Variants in RGS3 observed in about 807,000 individuals in gnomAD.
RGS3 encodes the protein regulator of G-protein signalling 3.
RGS3 carries 80 observed loss-of-function variants against 132.6 expected under a neutral mutation model. The ratio of observed to expected loss-of-function variants is 0.60; its 90% CI spans 0.50 to 0.73. RGS3 has a LOEUF of 0.73. Among genes scored for constraint, RGS3 ranks in the 30% least tolerant of loss-of-function variants. The pLI is 0.00. For missense variants in RGS3, 1,382 were observed against 1,530.8 expected, an observed-to-expected ratio of 0.90 and a Z score of 1.62; for synonymous variants, 598 against 620.6, an observed-to-expected ratio of 0.96 and a Z score of 0.54.
chr9:113,475,736 A>C (rs1829972266), intron 3 of RGS3, among the ~76,000 whole-genome samples: 1 of 151,584 alleles, frequency 6.6e-6, no homozygotes, highest in Non-Finnish European at 1.5e-5. Flanking sequence ...GGAACAAGCA[A>C]ATTTCAGAAC....
intron 14 of RGS3, 81 bp downstream of exon 12, chr9:113,508,661 CT>C: frequency 7.0e-7 from 1 of 1,419,014 alleles, no homozygotes; most frequent in Non-Finnish European, 9.9e-7. Flanking sequence ...GCCTCCGCCC[CT>C]GAGTTCTGAG....
At chr9:113,478,264 G>C (rs1830056401) in intron 3 of RGS3, among the ~76,000 whole-genome samples, 1 of 151,158 alleles carries the variant, frequency 6.6e-6, no homozygotes, top group Non-Finnish European at 1.5e-5. Flanking sequence ...CCTTTCTCCT[G>C]CCTCTTTCCT....
chr9:113,519,026 C>T (rs992859603), intron 16 of RGS3, among the ~76,000 whole-genome samples: 4 of 152,196 alleles, frequency 2.6e-5, no homozygotes, highest in Non-Finnish European at 5.9e-5. Flanking sequence ...ACCCTTGAAT[C>T]TGCAAACATT....
intron 19 of RGS3, chr9:113,541,483 C>G: frequency 6.3e-7 from 1 of 1,595,226 alleles, no homozygotes; most frequent in East Asian, 2.2e-5. Flanking sequence ...TTGGGCATCC[C>G]CTACCACACA....
chr9:113,581,314 C>T lies in RGS3; in HGVS notation c.2038-2136C>T, dbSNP rs142013959. ...CTGGGCCCTCAGCCTTCCTGTCTAC[C>T]CAATGGAGGGTCTTTCTGTCCACCT... is the stretch of plus-strand genomic sequence containing the variant. On this transcript the variant is annotated intron_variant, in intron 19 of 24. Transcript: ENST00000350696. 5 of 152,302 alleles carry T rather than the reference C, an allele frequency of 3.3e-5. No individual in the cohort carries two copies. The East Asian group carries it at 9.7e-4, about 29-fold the overall frequency. 9.4% of individuals were successfully genotyped at this position (152,302 alleles called of 1,614,324 possible).
intron 19 of RGS3, among the ~76,000 whole-genome samples, chr9:113,572,525 A>G (rs2118897525): frequency 6.6e-6 from 1 of 152,112 alleles, no homozygotes; most frequent in East Asian, 1.9e-4. Context: ...TTTTTACTGG[A>G]TGGGCACCCC....
At chr9:113,524,267 G>T (rs1331289617) in intron 17 of RGS3, among the ~76,000 whole-genome samples, 1 of 152,130 alleles carries the variant, frequency 6.6e-6, no homozygotes, top group Non-Finnish European at 1.5e-5. Flanking sequence ...TCTCCAGCCT[G>T]CAGTGTGCAT....
chr9:113,558,912 G>A (rs1833675222), intron 19 of RGS3, among the ~76,000 whole-genome samples: 1 of 152,228 alleles, frequency 6.6e-6, no homozygotes. Flanking sequence ...TGATTTTGCA[G>A]ACCACATTTT....
chr9:113,525,146 G>T (rs1461170211), intron 17 of RGS3, among the ~76,000 whole-genome samples: 2 of 152,162 alleles, frequency 1.3e-5, no homozygotes, highest in Non-Finnish European at 2.9e-5. Flanking sequence ...GTGTGTGTGT[G>T]TGCATGTGTC....
At chr9:113,519,012 A>C (rs1166694487) in intron 16 of RGS3, among the ~76,000 whole-genome samples, 2 of 152,046 alleles carry the variant, frequency 1.3e-5, no homozygotes, top group African/African-American at 4.8e-5. Context: ...CTGTTTGTCC[A>C]CTTACCCTTG....
chr9:113,490,734 T>G (rs1264072101), intron 7 of RGS3, among the ~76,000 whole-genome samples: 1 of 139,704 alleles, frequency 7.2e-6, no homozygotes, highest in African/African-American at 2.7e-5. Context: ...TATATATAAC[T>G]TAATTATAAT....
chr9:113,531,129 T>G lies in RGS3; in HGVS notation c.1914+1865T>G, dbSNP rs528569675. 3.3e-5 allele frequency among the ~76,000 whole-genome samples: 5 copies of G among 152,286 alleles called. No homozygotes were observed. In the East Asian group the frequency reaches 5.8e-4, roughly 18 times the overall value. ...TCTAGCTGCAAGATCCTGGGTGGTG[T>G]TATCCGAAAGTAGTCCTGGGCTCTG... is the stretch of plus-strand genomic sequence containing the variant. On this transcript the variant is annotated intron_variant, in intron 18 of 24. Coordinates refer to ENST00000350696, the Ensembl canonical transcript of RGS3.
At chr9:113,503,843 C>T (rs77006713) in intron 10 of RGS3, among the ~76,000 whole-genome samples, 2,208 of 152,314 alleles carry the variant, frequency 0.014, 59 homozygotes, top group African/African-American at 0.05. Flanking sequence ...CAGGCGGGCC[C>T]GGCAACTAGT....
intron 10 of RGS3, among the ~76,000 whole-genome samples, chr9:113,502,862 C>T (rs1013882786): frequency 1.3e-5 from 2 of 152,206 alleles, no homozygotes; most frequent in Non-Finnish European, 2.9e-5. Flanking sequence ...GGCTTTTGAG[C>T]AAGTCACTGT....
chr9:113,478,966 T>C (rs1460639471), intron 3 of RGS3: 1 of 162,668 alleles, frequency 6.1e-6, no homozygotes, highest in African/African-American at 2.4e-5. Flanking sequence ...TGATGAACAT[T>C]TCAGGTGTTT....
At chr9:113,499,018 A>G (rs759076651) in intron 10 of RGS3, among the ~76,000 whole-genome samples, 4 of 151,606 alleles carry the variant, frequency 2.6e-5, no homozygotes, top group Non-Finnish European at 5.9e-5. Flanking sequence ...CTTGAGGTCA[A>G]GAGTTCGAGA....
chr9:113,446,299 T>G (rs1210338299), intron 1 of RGS3, among the ~76,000 whole-genome samples: 1 of 152,206 alleles, frequency 6.6e-6, no homozygotes, highest in African/African-American at 2.4e-5. Flanking sequence ...TAATACATAT[T>G]AGAGAATCAT....
chr9:113,449,220 A>C (rs554203311), intron 1 of RGS3, among the ~76,000 whole-genome samples: 1 of 152,294 alleles, frequency 6.6e-6, no homozygotes, highest in East Asian at 1.9e-4. Context: ...GGAGGTGATC[A>C]GGGCCTGAAT....
At chr9:113,539,188 C>T (rs920554155) in intron 19 of RGS3, among the ~76,000 whole-genome samples, 4 of 152,184 alleles carry the variant, frequency 2.6e-5, no homozygotes, top group African/African-American at 4.8e-5. Context: ...CTGGCAGCCT[C>T]GGGGTGACCA....
Sources: gnomAD v4.1 joint callset for allele counts (sites outside exome capture counted in the v4.1 genomes callset) on GRCh38, gnomAD v4.1.1 for gene constraint, MANE v1.5 for transcripts, NCBI Gene and HGNC (gene_info 2026-07-23, HGNC 2026-07-21) for gene names.